NCOA3: variants seen among roughly 807,000 people sequenced by gnomAD.
NCOA3 encodes the protein CBP-interacting protein.
NCOA3 carries 51 observed loss-of-function variants against 158.8 expected under a neutral mutation model. That is an observed-to-expected ratio of 0.32 (90% CI 0.26 to 0.41). The LOEUF is 0.41. NCOA3 is among the 10% of genes least tolerant of loss of function. The pLI is 1.00. For missense variants in NCOA3, 1,510 were observed against 1,746.6 expected, an observed-to-expected ratio of 0.86 and a Z score of 2.41; for synonymous variants, 537 against 592.4, an observed-to-expected ratio of 0.91 and a Z score of 1.36.
intron 1 of NCOA3, among the ~76,000 whole-genome samples, chr20:47,566,396 G>C (rs2146192088): frequency 6.6e-6 from 1 of 152,274 alleles, no homozygotes; most frequent in East Asian, 1.9e-4. Context: ...TATCTGTCTG[G>C]AACAGTCGTG....
intron 1 of NCOA3, among the ~76,000 whole-genome samples, chr20:47,516,755 T>C (rs1309841576): frequency 1.3e-5 from 2 of 151,622 alleles, no homozygotes; most frequent in Non-Finnish European, 2.9e-5. Flanking sequence ...ACCCTGTCTC[T>C]ACAAAAAAGT....
chr20:47,644,130 A>G (rs1237943912), intron 17 of NCOA3, among the ~76,000 whole-genome samples: 1 of 149,298 alleles, frequency 6.7e-6, no homozygotes, highest in Non-Finnish European at 1.5e-5. Context: ...CATGTTGGGC[A>G]TTAAATTCGT....
chr20:47,570,015 AAAC>A (rs1219641777), intron 1 of NCOA3, among the ~76,000 whole-genome samples: 1 of 147,746 alleles, frequency 6.8e-6, no homozygotes, highest in Non-Finnish European at 1.5e-5. Context: ...GTCTCAAAAA[AAAC>A]AACAAAAAAA....
At chr20:47,596,524 A>AT (rs2085758980) in intron 2 of NCOA3, among the ~76,000 whole-genome samples, 1 of 152,188 alleles carries the variant, frequency 6.6e-6, no homozygotes, top group Non-Finnish European at 1.5e-5. Context: ...AACAAACTTG[A>AT]TTTTAACTGC....
intron 13 of NCOA3, among the ~76,000 whole-genome samples, chr20:47,638,430 A>G (rs1259587425): frequency 2.6e-5 from 4 of 152,232 alleles, no homozygotes; most frequent in Admixed American, 6.5e-5. Flanking sequence ...ACAGAAAAAC[A>G]AAGATATATT....
In NCOA3 at chr20:47,635,574, G is replaced by C. The variant is rs1568743863; in HGVS notation, c.1365G>C (p.Gln455His). The change falls in exon 11 of 23, where the codon CAG becomes CAC. Residue 455 changes from glutamine to histidine, a missense_variant. This residue lies in a region of NCOA3 where 1,017 missense variants were observed against 1,098.3 expected (regional missense o/e 0.93). Transcript: ENST00000371998. ...GCATGCAATCACCATCTTCCTACCA[G>C]AACAACAACTATGGGCTCAACATGA... Reference protein sequence around the residue: ...GPGMQSPSSYQNNNYGLNMSS... With the variant: ...GPGMQSPSSYHNNNYGLNMSS... The C allele has an allele frequency of 6.2e-7, 1 of 1,614,120 alleles. No individual in the cohort carries two copies.
intron 1 of NCOA3, among the ~76,000 whole-genome samples, chr20:47,525,556 C>T (rs1484606399): frequency 1.2e-4 from 14 of 118,262 alleles, no homozygotes; most frequent in Admixed American, 2.4e-4. Context: ...GCTGGCCGGA[C>T]GGGGGGCTGA....
At chr20:47,514,704 T>C (rs2084203333) in intron 1 of NCOA3, among the ~76,000 whole-genome samples, 3 of 150,418 alleles carry the variant, frequency 2.0e-5, no homozygotes, top group Admixed American at 6.6e-5. Context: ...TGTTTTGTTT[T>C]GTTTTTTGCT....
At chr20:47,538,223 A>T (rs2084666498) in intron 1 of NCOA3, among the ~76,000 whole-genome samples, 1 of 152,204 alleles carries the variant, frequency 6.6e-6, no homozygotes, top group African/African-American at 2.4e-5. Context: ...AAAACCCAAG[A>T]TGATTAAAAA....
intron 2 of NCOA3, among the ~76,000 whole-genome samples, chr20:47,618,961 G>A (rs1227860855): frequency 1.3e-5 from 2 of 152,158 alleles, no homozygotes; most frequent in Non-Finnish European, 2.9e-5. Context: ...AGAATTTATT[G>A]TAACACTATA....
intron 1 of NCOA3, among the ~76,000 whole-genome samples, chr20:47,507,034 G>A (rs936638628): frequency 2.0e-5 from 3 of 152,136 alleles, no homozygotes; most frequent in African/African-American, 7.2e-5. Flanking sequence ...GCTTCCTGGG[G>A]CTTTGCTTTG....
At chr20:47,552,056 G>A (rs574287149) in intron 1 of NCOA3, among the ~76,000 whole-genome samples, 71 of 152,274 alleles carry the variant, frequency 4.7e-4, no homozygotes, top group Non-Finnish European at 9.3e-4. Context: ...GTGACTGCTT[G>A]CCAAGTGCTG....
intron 17 of NCOA3, among the ~76,000 whole-genome samples, chr20:47,644,098 A>T (rs1336758729): frequency 7.1e-6 from 1 of 139,926 alleles, no homozygotes. Context: ...TTTCTGACCT[A>T]CTTTTCTGGG....
intron 1 of NCOA3, among the ~76,000 whole-genome samples, chr20:47,563,744 C>G (rs1041624642): frequency 2.6e-5 from 4 of 151,774 alleles, no homozygotes; most frequent in African/African-American, 9.7e-5. Flanking sequence ...AAAAAATTAG[C>G]TGGGCGTGGT....
chr20:47,613,539 A>G (rs912313028), intron 2 of NCOA3, among the ~76,000 whole-genome samples: 1 of 151,906 alleles, frequency 6.6e-6, no homozygotes, highest in Non-Finnish European at 1.5e-5. Context: ...CCTACAAAAC[A>G]TAATAGCAAA....
At chr20:47,594,731 G>A (rs1423226550) in intron 2 of NCOA3, among the ~76,000 whole-genome samples, 1 of 146,050 alleles carries the variant, frequency 6.8e-6, no homozygotes, top group Non-Finnish European at 1.5e-5. Context: ...TGCTGGGCAC[G>A]GTGGCTCACG....
intron 1 of NCOA3, among the ~76,000 whole-genome samples, chr20:47,569,923 T>C (rs2085264577): frequency 6.6e-6 from 1 of 151,598 alleles, no homozygotes. Context: ...GGCAGGAGAA[T>C]GGCACGAACC....
At position 47,652,934 on chromosome 20, in the gene NCOA3, C is replaced by G. The variant is rs776146744; in HGVS notation, c.4125C>G (p.Ser1375=). Residue 1375 remains serine, a synonymous_variant, in exon 22 of 23, where the codon TCC becomes TCG. Transcript: ENST00000371998. ...ATTACCATTTGTTTACTTACAGCTC[C>G]TTTTCCCAGCAGCAGTTTGCCCACC... The part of the protein sequence containing the change: ...WPSGNLARNS[S]FSQQQFAHQG... 1.2e-6 allele frequency: 2 copies of G among 1,614,058 alleles called. No individual in the cohort carries two copies. Among genetic ancestry groups the G allele is most frequent in the Non-Finnish European group, 8.5e-7 (1 of 1,179,974 alleles).
chr20:47,533,547 G>C (rs996609486), intron 1 of NCOA3, among the ~76,000 whole-genome samples: 1 of 152,038 alleles, frequency 6.6e-6, no homozygotes, highest in Non-Finnish European at 1.5e-5. Flanking sequence ...TATGGGTTTA[G>C]CAGAGATTAA....
Sources: gnomAD v4.1 joint callset for allele counts (sites outside exome capture counted in the v4.1 genomes callset) on GRCh38, gnomAD v4.1.1 for gene constraint, gnomAD v4.1.1 regional missense constraint, MANE v1.5 for transcripts, NCBI Gene and HGNC (gene_info 2026-07-23, HGNC 2026-07-21) for gene names.